MME: variants seen among roughly 807,000 people sequenced by gnomAD.
The protein encoded by MME is membrane metalloendopeptidase.
Under a neutral mutation model 113.2 loss-of-function variants are expected in MME, and 98 were observed. That is an observed-to-expected ratio of 0.87 (90% CI 0.74 to 1.02). MME has a LOEUF of 1.02. Ranked by LOEUF, MME falls within the 50% of genes least tolerant of loss-of-function variation. The pLI is 0.00. For synonymous variants in MME, 292 were observed against 300.6 expected, an observed-to-expected ratio of 0.97 and a Z score of 0.30; for missense variants, 836 against 896.0, an observed-to-expected ratio of 0.93 and a Z score of 0.86.
chr3:155,097,396 G>A (rs150305982), intron 3 of MME, among the ~76,000 whole-genome samples: 26 of 152,250 alleles, frequency 1.7e-4, no homozygotes, highest in East Asian at 7.7e-4. Context: ...GAAAATCAGC[G>A]AAGTGTAAAA....
intron 1 of MME, among the ~76,000 whole-genome samples, chr3:155,069,338 A>G (rs1714481910): frequency 6.6e-6 from 1 of 152,250 alleles, no homozygotes; most frequent in Admixed American, 6.5e-5. Context: ...AAATAGATGT[A>G]TTAAAGATTA....
At chr3:155,048,757 A>G (rs1713652695) in intron 1 of MME, among the ~76,000 whole-genome samples, 2 of 152,206 alleles carry the variant, frequency 1.3e-5, no homozygotes, top group South Asian at 4.1e-4. Context: ...CTTCCTTTTC[A>G]TGTAAAAATA....
intron 1 of MME, among the ~76,000 whole-genome samples, chr3:155,057,845 C>T (rs1713991368): frequency 6.6e-6 from 1 of 152,020 alleles, no homozygotes; most frequent in African/African-American, 2.4e-5. Flanking sequence ...TTCACTATGC[C>T]TGTCATATTT....
intron 22 of MME, among the ~76,000 whole-genome samples, chr3:155,177,978 C>T (rs1325512353): frequency 6.6e-6 from 1 of 152,140 alleles, no homozygotes; most frequent in Non-Finnish European, 1.5e-5. Context: ...AGCTCCAGAG[C>T]CTCCACTCTT....
At chr3:155,072,278 A>G (rs907506021) in intron 1 of MME, among the ~76,000 whole-genome samples, 2 of 151,708 alleles carry the variant, frequency 1.3e-5, no homozygotes, top group Admixed American at 6.6e-5. Flanking sequence ...CACAGGCATT[A>G]TAACGGACAC....
chr3:155,132,119 A>C (rs1339527644), intron 8 of MME, among the ~76,000 whole-genome samples: 3 of 152,136 alleles, frequency 2.0e-5, no homozygotes, highest in Non-Finnish European at 4.4e-5. Flanking sequence ...CCTGATCCAT[A>C]GGTAGTTGGC....
chr3:155,043,385 G>A (rs1306632373), intron 1 of MME, among the ~76,000 whole-genome samples: 3 of 150,036 alleles, frequency 2.0e-5, no homozygotes, highest in Non-Finnish European at 4.4e-5. Context: ...AGGCTGGAAT[G>A]CAATGGTGCG....
intron 1 of MME, among the ~76,000 whole-genome samples, chr3:155,059,258 C>CAAAAAAAAA (rs11459710): frequency 1.8e-5 from 1 of 56,080 alleles, no homozygotes; most frequent in Non-Finnish European, 3.4e-5. Context: ...AATTCTGTCT[C>CAAAAAAAAA]AAAAAAAAAA....
chr3:155,145,505 G>A (rs1721432120), intron 14 of MME, among the ~76,000 whole-genome samples: 2 of 151,932 alleles, frequency 1.3e-5, no homozygotes, highest in African/African-American at 2.4e-5. Flanking sequence ...TTTATGGTTG[G>A]GGGCAGGGGG....
chr3:155,122,883 A>T, intron 8 of MME, among the ~76,000 whole-genome samples: 1 of 13,514 alleles, frequency 7.4e-5, no homozygotes, highest in Non-Finnish European at 1.4e-4. Context: ...GCTGAAAAAA[A>T]TGTATATTCT....
chr3:155,118,810 A>G lies in MME; in HGVS notation c.719A>G (p.Glu240Gly). ...DYYECTGIYK[E>G]ACTAYVDFMI... is the part of the protein sequence containing the mutation. Reference sequence around the variant, plus strand: ...TATGAATGCACTGGAATCTATAAAGAGGTAAAAAGAAAAAAAATAATCAAA... The same window carrying G: ...TATGAATGCACTGGAATCTATAAAGGGGTAAAAAGAAAAAAAATAATCAAA... The change falls in exon 8 of 23, where the codon GAG (glutamate) becomes GGG (glycine). Residue 240 changes from glutamate (E) to glycine (G), a missense_variant and splice_region_variant. Glu to Gly is a moderately conservative substitution (Grantham distance 98). Coordinates refer to ENST00000360490, the MANE Select transcript of MME (RefSeq NM_007289.4). 1.3e-6 allele frequency: 2 copies of G among 1,579,976 alleles called. No homozygotes were observed. Among genetic ancestry groups the G allele is most frequent in the East Asian group, 2.3e-5 (1 of 44,326 alleles).
chr3:155,152,466 G>A (rs531706263), intron 16 of MME, among the ~76,000 whole-genome samples: 2 of 152,252 alleles, frequency 1.3e-5, no homozygotes, highest in South Asian at 4.1e-4. Context: ...AGCTCTTTAT[G>A]AATGTTTATG....
chr3:155,129,253 G>T (rs888859689), intron 8 of MME, among the ~76,000 whole-genome samples: 4 of 152,114 alleles, frequency 2.6e-5, no homozygotes, highest in Non-Finnish European at 5.9e-5. Flanking sequence ...GAGGATCACA[G>T]AGGGTCACAT....
chr3:155,056,441 T>C (rs979663443), intron 1 of MME, among the ~76,000 whole-genome samples: 4 of 149,246 alleles, frequency 2.7e-5, no homozygotes, highest in Non-Finnish European at 5.9e-5. Context: ...TGGTTTTTTG[T>C]TCTTGCGATA....
chr3:155,149,971 T>C (rs1182328640), intron 16 of MME, among the ~76,000 whole-genome samples: 1 of 152,194 alleles, frequency 6.6e-6, no homozygotes, highest in Non-Finnish European at 1.5e-5. Flanking sequence ...TGCTTGGCAT[T>C]ATAATCAAGT....
chr3:155,127,085 A>G (rs184466656), intron 8 of MME, among the ~76,000 whole-genome samples: 21 of 151,820 alleles, frequency 1.4e-4, no homozygotes, highest in Admixed American at 3.3e-4. Context: ...AACATGATTC[A>G]TCGATTTATA....
chr3:155,131,980 C>A (rs1720182246), intron 8 of MME, among the ~76,000 whole-genome samples: 1 of 152,162 alleles, frequency 6.6e-6, no homozygotes, highest in African/African-American at 2.4e-5. Context: ...ACATCAGTGG[C>A]CAAGAATGAC....
intron 22 of MME, among the ~76,000 whole-genome samples, chr3:155,173,392 G>T (rs1484011322): frequency 6.6e-6 from 1 of 151,148 alleles, no homozygotes; most frequent in African/African-American, 2.4e-5. Context: ...GAGAACAAAA[G>T]AGAACTAATG....
intron 3 of MME, among the ~76,000 whole-genome samples, chr3:155,107,546 T>C (rs1405002772): frequency 6.6e-6 from 1 of 152,210 alleles, no homozygotes; most frequent in Admixed American, 6.5e-5. Context: ...CTTAATTTTC[T>C]TTCCTGTTTT....
Sources: gnomAD v4.1 joint callset for allele counts (sites outside exome capture counted in the v4.1 genomes callset) on GRCh38, gnomAD v4.1.1 for gene constraint, MANE v1.5 for transcripts, NCBI Gene and HGNC (gene_info 2026-07-23, HGNC 2026-07-21) for gene names.